Variants in CREB3L3 observed in about 807,000 individuals in gnomAD.
CREB3L3 encodes cyclic AMP-responsive element-binding protein 3-like protein 3.
A neutral mutation model predicts 44.6 loss-of-function variants in CREB3L3; 40 were observed. That is an observed-to-expected ratio of 0.90 (90% confidence interval 0.70 to 1.17). The LOEUF is 1.17. Among genes scored for constraint, CREB3L3 ranks in the 50% most tolerant of loss-of-function variants. The pLI, the probability that CREB3L3 is intolerant of heterozygous loss-of-function variation, is 0.00. For missense variants in CREB3L3, 578 were observed against 595.8 expected (o/e 0.97, Z 0.31); for synonymous variants, 273 against 256.3 (o/e 1.06, Z -0.62).
At chr19:4,162,972 A>G (rs2041678757) in intron 4 of CREB3L3, among the ~76,000 whole-genome samples, 1 of 152,090 alleles carries the variant, frequency 6.6e-6, no homozygotes, top group South Asian at 2.1e-4. Context: ...GCAAGACCCT[A>G]TTTCAAAAAT....
intron 5 of CREB3L3, among the ~76,000 whole-genome samples, chr19:4,165,275 C>G (rs1180376877): frequency 6.6e-6 from 1 of 151,960 alleles, no homozygotes. Flanking sequence ...TCAAGAGATC[C>G]TCCCGCCTCA....
chr19:4,154,163 C>T (rs1291488531), intron 1 of CREB3L3, among the ~76,000 whole-genome samples: 1 of 152,112 alleles, frequency 6.6e-6, no homozygotes, highest in East Asian at 1.9e-4. Context: ...CTTCCACCTC[C>T]TGGGTTCAAG....
At chr19:4,164,418 G>GT in intron 4 of CREB3L3, 85 bp from the exon 5 acceptor site, 4 of 1,548,450 alleles carry the variant, frequency 2.6e-6, no homozygotes, top group Non-Finnish European at 3.5e-6. Context: ...TGGGGTGATA[G>GT]TGTTTTCGAT....
At chr19:4,168,916 G>A (rs899810290) in intron 6 of CREB3L3, among the ~76,000 whole-genome samples, 6 of 151,938 alleles carry the variant, frequency 3.9e-5, no homozygotes, top group African/African-American at 1.4e-4. Context: ...TGTATTTTTG[G>A]TAGAGATGGG....
chr19:4,166,326 C>T (rs1447349463), intron 5 of CREB3L3, among the ~76,000 whole-genome samples: 2 of 151,082 alleles, frequency 1.3e-5, no homozygotes, highest in African/African-American at 4.9e-5. Context: ...GCGATCTCGG[C>T]TCACTGCAAC....
chr19:4,158,736 G>A (rs1016255103), intron 3 of CREB3L3, among the ~76,000 whole-genome samples: 2 of 151,636 alleles, frequency 1.3e-5, no homozygotes, highest in Non-Finnish European at 2.9e-5. Flanking sequence ...GGGAGGTGGA[G>A]GTTGCGGTGA....
chr19:4,170,179 G>C lies in CREB3L3; in HGVS notation c.861G>C (p.Arg287Ser). 1 of 1,614,130 alleles carries C rather than the reference G, an allele frequency of 6.2e-7. No individual in the cohort carries two copies. ...CTGCTCAGAATCAGGAGTTACAGAG[G>C]AAAGTCTTGCATCTCGAGAAGCAAA... ...ACTAQNQELQ[R>S]KVLHLEKQNL... The change falls in exon 7 of 10, where the codon AGG (arginine) becomes AGC (serine). Residue 287 changes from arginine (R) to serine (S), a missense_variant. Transcript: ENST00000078445.
intron 7 of CREB3L3, among the ~76,000 whole-genome samples, chr19:4,170,467 C>T (rs973505442): frequency 1.3e-5 from 2 of 151,396 alleles, no homozygotes; most frequent in Admixed American, 6.6e-5. Context: ...AAAAAATTAG[C>T]CAGGCGTGGT....
At chr19:4,166,685 C>T (rs1022760662) in intron 5 of CREB3L3, among the ~76,000 whole-genome samples, 6 of 150,946 alleles carry the variant, frequency 4.0e-5, no homozygotes, top group Non-Finnish European at 7.4e-5. Context: ...TGTGAGCCAC[C>T]GTGCCTGGCC....
At chr19:4,162,204 C>T (rs1044380725) in intron 4 of CREB3L3, among the ~76,000 whole-genome samples, 1 of 152,014 alleles carries the variant, frequency 6.6e-6, no homozygotes, top group African/African-American at 2.4e-5. Context: ...CGGGGTTTCA[C>T]CATGTTGGTC....
rs1158080919 is a variant in CREB3L3, at chr19:4,167,486, AAGAG to A, written c.715-861_715-858del. Among the ~76,000 whole-genome samples, 10 of 140,836 alleles carry A rather than the reference AAGAG, an allele frequency of 7.1e-5. No individual in the cohort carries two copies. The South Asian group carries it at 7.5e-4, about 11-fold the overall frequency. The allele number at this position is 140,836 out of a possible 152,430, so 92.4% of individuals were successfully genotyped here. On this transcript the variant is annotated intron_variant, in intron 5 of 9. Coordinates refer to ENST00000078445, the MANE Select transcript of CREB3L3 (RefSeq NM_032607.3). ...GGAAAGAAAGGAAGAAAAGGAAAGAAAGAGAGAAAGAGAAAGAGAAAGAGAGAAA... is the reference window on the plus strand; with the variant it reads ...GGAAAGAAAGGAAGAAAAGGAAAGAAAGAAAGAGAAAGAGAAAGAGAGAAA...
rs2041631639 is a variant in CREB3L3, at chr19:4,159,542, A to AT, written c.458-122_458-121insT. On this transcript the variant is annotated intron_variant, in intron 3 of 9. Coordinates refer to ENST00000078445, the MANE Select transcript of CREB3L3 (RefSeq NM_032607.3). The stretch of plus-strand genomic sequence containing the variant: ...CTTGGGGACTCCAAACTCTGGCAGA[A>AT]GTCATATGAATGTTGGGATTAATCA... The AT allele has an allele frequency of 1.1e-5, 8 of 726,844 alleles. No individual in the cohort carries two copies. The South Asian group carries it at 1.2e-4, about 10-fold the overall frequency. The allele number at this position is 726,844 out of a possible 1,614,324, so 45.0% of individuals were successfully genotyped here. A position where few individuals can be genotyped will look rare whatever the true frequency, so the allele number is the denominator to read the frequency against.
At position 4,172,175 on chromosome 19, in the gene CREB3L3, G is replaced by A. The variant is rs1218781430; in HGVS notation, c.*206G>A. 8 of 616,300 alleles carry A rather than the reference G, an allele frequency of 1.3e-5. No homozygotes were observed. The highest frequency in any genetic ancestry group is 2.3e-5 in the Non-Finnish European group (8 of 352,956). 38.2% of individuals were successfully genotyped at this position (616,300 alleles called of 1,614,324 possible). On this transcript the variant is annotated 3_prime_UTR_variant, in exon 10 of 10. Coordinates refer to ENST00000078445, the MANE Select transcript of CREB3L3 (RefSeq NM_032607.3). The stretch of plus-strand genomic sequence containing the variant: ...GACACTCAGACACAAGGCAAAGAGG[G>A]CCACAGGACCCGGGAAATACACACA...
At chr19:4,158,147 C>A (rs1169126489) in intron 3 of CREB3L3, among the ~76,000 whole-genome samples, 2 of 152,050 alleles carry the variant, frequency 1.3e-5, no homozygotes, top group Non-Finnish European at 2.9e-5. Context: ...CTCTGGGTGG[C>A]CTTTGTCCCT....
chr19:4,166,293 T>A (rs1670086549), intron 5 of CREB3L3, among the ~76,000 whole-genome samples: 1 of 151,738 alleles, frequency 6.6e-6, no homozygotes, highest in South Asian at 2.1e-4. Context: ...TCGCTTTTGT[T>A]GCCCAGGCTG....
chr19:4,170,302 C>A, intron 7 of CREB3L3, 94 bp downstream of exon 7: 2 of 1,260,940 alleles, frequency 1.6e-6, no homozygotes, highest in East Asian at 2.3e-5. Context: ...GGCAGAATGA[C>A]ATAGGGAATA....
chr19:4,156,639 C>T (rs2041582659), intron 2 of CREB3L3, among the ~76,000 whole-genome samples: 1 of 151,210 alleles, frequency 6.6e-6, no homozygotes, highest in Admixed American at 6.6e-5. Context: ...GTAGCTGGGA[C>T]TACAGATGCC....
chr19:4,170,879 C>T (rs1311243107), intron 7 of CREB3L3, among the ~76,000 whole-genome samples: 3 of 151,996 alleles, frequency 2.0e-5, no homozygotes, highest in Non-Finnish European at 2.9e-5. Context: ...CCACTCACTC[C>T]AGCCTGGGCG....
intron 1 of CREB3L3, 68 bp from the exon 2 acceptor site, chr19:4,154,831 A>C: frequency 3.2e-5 from 50 of 1,571,828 alleles, no homozygotes; most frequent in Non-Finnish European, 3.9e-5. Context: ...AGCCAGGGTT[A>C]TGTGCACATG....
Sources: allele counts gnomAD v4.1 joint callset (sites outside exome capture counted in the v4.1 genomes callset), GRCh38; gene constraint gnomAD v4.1.1; transcripts MANE v1.5; gene names NCBI Gene and HGNC (gene_info 2026-07-23, HGNC 2026-07-21).